The following ATP9A variants were observed in gnomAD, a reference collection of about 807,000 sequenced individuals.
ATP9A encodes ATPase phospholipid transporting 9A.
Under a neutral mutation model 144.1 loss-of-function variants are expected in ATP9A, and 52 were observed. The observed-to-expected ratio is 0.36, with a 90% CI of 0.29 to 0.45. The LOEUF (loss-of-function observed/expected upper bound fraction) is 0.45, where lower values mean the gene tolerates loss of function less well. ATP9A is among the 20% of genes least tolerant of loss of function. The probability of loss-of-function intolerance (pLI) is 1.00; values close to 1 mark genes in which losing one functional copy is unlikely to be tolerated. For missense variants in ATP9A, 947 were observed against 1,392.7 expected (o/e 0.68, Z 5.09); for synonymous variants, 582 against 557.4 (o/e 1.04, Z -0.62).
At chr20:51,757,849 T>C (rs1031064460) in intron 1 of ATP9A, among the ~76,000 whole-genome samples, 1 of 151,398 alleles carries the variant, frequency 6.6e-6, no homozygotes, top group African/African-American at 2.4e-5. Context: ...GAGGTTGCAG[T>C]GAGATCGCAC....
chr20:51,623,801 A>AAAAGAAAGAAAGAAAG (rs71192537), intron 18 of ATP9A, among the ~76,000 whole-genome samples: 52 of 133,414 alleles, frequency 3.9e-4, no homozygotes, highest in African/African-American at 1.5e-3. Context: ...AAAAAAAAAA[A>AAAAGAAAGAAAGAAAG]AAAGAAAGAA....
intron 15 of ATP9A, among the ~76,000 whole-genome samples, chr20:51,635,802 G>GAGGAAGGA (rs1555830936): frequency 0.076 from 3,548 of 46,634 alleles, 483 homozygotes; most frequent in African/African-American, 0.23. Flanking sequence ...AGGAGGGGAG[G>GAGGAAGGA]AGGAAGGAAG....
chr20:51,677,497 C>A (rs1021284397), intron 9 of ATP9A, among the ~76,000 whole-genome samples: 2 of 152,142 alleles, frequency 1.3e-5, no homozygotes, highest in African/African-American at 2.4e-5. Flanking sequence ...CGGGGCCCAG[C>A]GGCTTCTAAT....
At chr20:51,607,160 C>G (rs1360765704) in intron 26 of ATP9A, among the ~76,000 whole-genome samples, 1 of 152,184 alleles carries the variant, frequency 6.6e-6, no homozygotes, top group East Asian at 1.9e-4. Flanking sequence ...GAAGACCCCC[C>G]TCTGGAGGCC....
intron 26 of ATP9A, among the ~76,000 whole-genome samples, chr20:51,606,065 C>T (rs377358942): frequency 3.3e-5 from 5 of 151,910 alleles, no homozygotes; most frequent in Non-Finnish European, 7.4e-5. Context: ...GTCAGGAGTT[C>T]GAGACCAGCC....
chr20:51,668,265 C>T (rs1484231560), intron 13 of ATP9A, among the ~76,000 whole-genome samples: 3 of 149,956 alleles, frequency 2.0e-5, no homozygotes, highest in Non-Finnish European at 4.4e-5. Context: ...GCTGGGGTGA[C>T]GAGGGTACCA....
chr20:51,761,588 C>T (rs983889541), intron 1 of ATP9A, among the ~76,000 whole-genome samples: 2 of 151,920 alleles, frequency 1.3e-5, no homozygotes, highest in East Asian at 1.9e-4. Flanking sequence ...GGTGAAACCC[C>T]GTCTCTAATA....
intron 15 of ATP9A, among the ~76,000 whole-genome samples, chr20:51,638,340 A>C: frequency 6.6e-6 from 1 of 151,202 alleles, no homozygotes; most frequent in South Asian, 2.1e-4. Context: ...CCTTATTCCA[A>C]AGATCCTTAA....
intron 1 of ATP9A, among the ~76,000 whole-genome samples, chr20:51,765,519 T>C (rs2077899648): frequency 6.7e-6 from 1 of 149,406 alleles, no homozygotes; most frequent in African/African-American, 2.5e-5. Flanking sequence ...CCGGGCATGG[T>C]GCATGCCTGT....
intron 1 of ATP9A, among the ~76,000 whole-genome samples, chr20:51,749,793 C>G (rs748812350): frequency 6.6e-6 from 1 of 152,044 alleles, no homozygotes; most frequent in African/African-American, 2.4e-5. Context: ...AATGGCTACA[C>G]CTCTGTAGCT....
chr20:51,704,602 G>T (rs2077607588), intron 4 of ATP9A, among the ~76,000 whole-genome samples: 1 of 152,054 alleles, frequency 6.6e-6, no homozygotes. Context: ...CTGACATGGA[G>T]AAACACCGTC....
chr20:51,629,827 T>C (rs1388591210), intron 15 of ATP9A, among the ~76,000 whole-genome samples: 1 of 152,188 alleles, frequency 6.6e-6, no homozygotes, highest in Non-Finnish European at 1.5e-5. Context: ...AAGCTACTCC[T>C]CTTCCCTAAA....
intron 1 of ATP9A, among the ~76,000 whole-genome samples, chr20:51,746,766 A>C (rs1568845808): frequency 6.6e-6 from 1 of 152,118 alleles, no homozygotes; most frequent in East Asian, 1.9e-4. Flanking sequence ...TTGAACCCAG[A>C]AGGTGGAGGT....
intron 2 of ATP9A, among the ~76,000 whole-genome samples, chr20:51,729,038 TTTA>T (rs1179866122): frequency 1.3e-5 from 2 of 152,208 alleles, no homozygotes; most frequent in Non-Finnish European, 2.9e-5. Context: ...ACCAGAAACA[TTTA>T]TTATTAGCAA....
At chr20:51,726,080 G>A (rs1193076317) in intron 2 of ATP9A, 148 bp from the exon 3 acceptor site, 20 of 614,092 alleles carry the variant, frequency 3.3e-5, no homozygotes, top group South Asian at 2.3e-4. Context: ...TTGGGAGGCC[G>A]AGGCGAGCGG....
At chr20:51,697,286 G>A in intron 5 of ATP9A, 138 bp downstream of exon 5, 1 of 683,136 alleles carries the variant, frequency 1.5e-6, no homozygotes, top group East Asian at 2.7e-5. Context: ...TGTCTCACAG[G>A]AAAGAGATTT....
intron 5 of ATP9A, 53 bp downstream of exon 5, chr20:51,697,371 A>G (rs2077574919): frequency 6.6e-7 from 1 of 1,521,268 alleles, no homozygotes; most frequent in South Asian, 1.2e-5. Context: ...CACAAATGAC[A>G]CATTAGGACC....
chr20:51,664,586 T>C, intron 13 of ATP9A, among the ~76,000 whole-genome samples: 1 of 151,722 alleles, frequency 6.6e-6, no homozygotes. Flanking sequence ...TAAGACTCTG[T>C]CTCAAAAAAA....
rs999691869 is a variant in ATP9A, at chr20:51,636,158, C to T, written c.1668+3185G>A. Among the ~76,000 whole-genome samples, 5 of 152,066 alleles carry T rather than the reference C, an allele frequency of 3.3e-5. No homozygotes were observed. The South Asian group carries it at 6.2e-4, about 19-fold the overall frequency. ...TAAAAGTAAATAAGACTTGCTTGAA[C>T]GCAAGCACGGCAATACCACAACAGC... On this transcript the variant is annotated intron_variant, in intron 15 of 27. Transcript: ENST00000338821.
Sources: allele counts gnomAD v4.1 joint callset (sites outside exome capture counted in the v4.1 genomes callset), GRCh38; gene constraint gnomAD v4.1.1; transcripts MANE v1.5; gene names NCBI Gene and HGNC (gene_info 2026-07-23, HGNC 2026-07-21).